Variants in ITGB8 observed in about 807,000 individuals in gnomAD.
The protein encoded by ITGB8 is integrin beta-8.
ITGB8 carries 30 observed loss-of-function variants against 89.5 expected under a neutral mutation model. The ratio of observed to expected loss-of-function variants is 0.34; its 90% confidence interval spans 0.25 to 0.45. The LOEUF (loss-of-function observed/expected upper bound fraction) is 0.45. ITGB8 is among the 20% of genes least tolerant of loss of function. ITGB8 has a pLI of 1.00. For missense variants in ITGB8, 836 were observed against 933.3 expected, an observed-to-expected ratio of 0.90 and a Z score of 1.36; for synonymous variants, 335 against 320.4, an observed-to-expected ratio of 1.05 and a Z score of -0.49.
At chr7:20,336,608 T>C (rs529247428) in intron 1 of ITGB8, among the ~76,000 whole-genome samples, 61 of 152,322 alleles carry the variant, frequency 4.0e-4, no homozygotes, top group Middle Eastern at 3.4e-3. Context: ...AAAGCTTGAA[T>C]TATGCTTCAT....
In ITGB8 at chr7:20,379,033, T is replaced by C. The variant is rs888449910; in HGVS notation, c.389-18T>C. ...TTTAAAATGAAGACTACATGATGTT[T>C]TTCTTCTATTGAACTAGGAGCCGAA... On this transcript the variant is annotated intron_variant, in intron 3 of 13. Transcript: ENST00000222573. The C allele has an allele frequency of 4.5e-6, 7 of 1,554,784 alleles. No individual in the cohort carries two copies. In the African/African-American group the frequency reaches 9.7e-5, roughly 22 times the overall value.
Position 20,367,077 on chromosome 7 carries a change from C to A in ITGB8, c.279C>A (p.Gly93=), listed in dbSNP as rs1785728704. 1.2e-6 allele frequency: 2 copies of A among 1,611,688 alleles called. No homozygotes were observed. The highest frequency in any genetic ancestry group is 1.7e-6 in the Non-Finnish European group (2 of 1,178,002). ...CDIVSNLISK[G]CSVDSIEYPS... is the part of the protein sequence containing the mutation. The stretch of plus-strand genomic sequence containing the variant: ...TTGTTTCCAATTTAATAAGCAAAGG[C>A]TGCTCAGTTGATTCAATAGAATACC... The change falls in exon 3 of 14, where the codon GGC becomes GGA. Residue 93 remains glycine (G), a synonymous_variant. Transcript: ENST00000222573.
intron 7 of ITGB8, among the ~76,000 whole-genome samples, chr7:20,394,472 A>C (rs373921523): frequency 6.6e-6 from 1 of 152,218 alleles, no homozygotes; most frequent in African/African-American, 2.4e-5. Flanking sequence ...TTGCAGGCCT[A>C]CTCTGAAACT....
At chr7:20,353,045 G>A (rs1032686724) in intron 1 of ITGB8, 1 of 152,156 alleles carries the variant, frequency 6.6e-6, no homozygotes, top group Non-Finnish European at 1.5e-5. Context: ...GCTTCACAAT[G>A]GTTCTTCTTG....
chr7:20,369,567 A>AC (rs1785846018), intron 3 of ITGB8, among the ~76,000 whole-genome samples: 1 of 151,974 alleles, frequency 6.6e-6, no homozygotes, highest in South Asian at 2.1e-4. Flanking sequence ...TCTCTCAGAG[A>AC]CCCCCTATTC....
At chr7:20,395,202 G>C (rs1204470785) in intron 8 of ITGB8, among the ~76,000 whole-genome samples, 2 of 152,196 alleles carry the variant, frequency 1.3e-5, no homozygotes, top group Non-Finnish European at 2.9e-5. Flanking sequence ...CTCATTGACA[G>C]TCAACAGAGA....
At chr7:20,381,224 G>T (rs937920140) in intron 5 of ITGB8, 8 of 157,876 alleles carry the variant, frequency 5.1e-5, no homozygotes, top group Non-Finnish European at 1.1e-4. Context: ...GTGCAGTGGC[G>T]CCATCTCGGC....
chr7:20,385,169 A>T (rs1423531811), intron 6 of ITGB8, among the ~76,000 whole-genome samples: 1 of 152,222 alleles, frequency 6.6e-6, no homozygotes, highest in African/African-American at 2.4e-5. Context: ...GGTGGAGGCC[A>T]AGAATAGCAT....
At chr7:20,373,582 A>G (rs1786020453) in intron 3 of ITGB8, among the ~76,000 whole-genome samples, 1 of 152,166 alleles carries the variant, frequency 6.6e-6, no homozygotes, top group African/African-American at 2.4e-5. Flanking sequence ...TTAATTTCAA[A>G]ATTTAGAAAA....
Position 20,380,844 on chromosome 7 carries a change from A to G in ITGB8, c.801+13A>G. On this transcript the variant is annotated intron_variant, in intron 5 of 13. Coordinates refer to ENST00000222573, the MANE Select transcript of ITGB8 (RefSeq NM_002214.3). Reference sequence around the variant, plus strand: ...AGCTGTCTGTGAAGTAAGACGTTTCACATGATCGAGTGTTTGCTAAGATGC... The same window carrying G: ...AGCTGTCTGTGAAGTAAGACGTTTCGCATGATCGAGTGTTTGCTAAGATGC... 1.3e-6 allele frequency: 2 copies of G among 1,599,278 alleles called. No homozygotes were observed. The highest frequency in any genetic ancestry group is 1.7e-6 in the Non-Finnish European group (2 of 1,172,114).
At chr7:20,396,832 G>A (rs1263905093) in intron 8 of ITGB8, among the ~76,000 whole-genome samples, 2 of 152,202 alleles carry the variant, frequency 1.3e-5, no homozygotes, top group African/African-American at 4.8e-5. Context: ...AGCAACATTT[G>A]GTTATTTTGC....
In ITGB8 at chr7:20,363,717, C is replaced by A; in HGVS notation, c.208C>A (p.Gln70Lys). ...ALGPECGWCV[Q>K]EDFISGGSRS... Reference sequence around the variant, plus strand: ...GGGTCCAGAATGTGGATGGTGTGTTCAAGAGGTGTGCCATTTTTTTTTTTC... The same window carrying A: ...GGGTCCAGAATGTGGATGGTGTGTTAAAGAGGTGTGCCATTTTTTTTTTTC... Residue 70 changes from glutamine (Q) to lysine (K), a missense_variant, in exon 2 of 14, where the codon CAA becomes AAA. Coordinates refer to ENST00000222573, the MANE Select transcript of ITGB8 (RefSeq NM_002214.3). The A allele has an allele frequency of 1.3e-6, 2 of 1,563,490 alleles. No homozygotes were observed. The highest frequency in any genetic ancestry group is 2.0e-5 in the Admixed American group (1 of 49,350).
In ITGB8 at chr7:20,362,355, T is replaced by C. The variant is rs546894418; in HGVS notation, c.128-1282T>C. The stretch of plus-strand genomic sequence containing the variant: ...GATTGGGCACATACACACATGTGCA[T>C]GAGTGTGCACATGCACACAGTTTTC... On this transcript the variant is annotated intron_variant, in intron 1 of 13. Transcript: ENST00000222573. Among the ~76,000 whole-genome samples the C allele has an allele frequency of 1.5e-3, 231 of 152,348 alleles. 5 individuals carry two copies. The highest frequency in any genetic ancestry group is 0.015 in the Admixed American group (230 of 15,298).
At chr7:20,384,961 TG>T (rs1485094433) in intron 6 of ITGB8, among the ~76,000 whole-genome samples, 1 of 152,236 alleles carries the variant, frequency 6.6e-6, no homozygotes, top group African/African-American at 2.4e-5. Context: ...TATAGTTTTA[TG>T]ATTTATCCAG....
chr7:20,381,917 ACT>A, intron 6 of ITGB8, 32 bp downstream of exon 6: 1 of 1,559,736 alleles, frequency 6.4e-7, no homozygotes, highest in South Asian at 1.2e-5. Context: ...AGTAGATATG[ACT>A]CTTTTGGTTA....
chr7:20,381,066 C>A (rs183989597), intron 5 of ITGB8: 1 of 373,992 alleles, frequency 2.7e-6, no homozygotes, highest in Non-Finnish European at 4.8e-6. Context: ...AGGTTATGAA[C>A]GCGAAAATTC....
chr7:20,359,977 C>T (rs994362651), intron 1 of ITGB8, among the ~76,000 whole-genome samples: 1 of 152,086 alleles, frequency 6.6e-6, no homozygotes, highest in Non-Finnish European at 1.5e-5. Flanking sequence ...ACCATGTGGC[C>T]ACCTCCTCCA....
rs1387270329 is a variant in ITGB8 at position 20,331,614 on chromosome 7, G to A, written c.-193G>A. 3 of 561,118 alleles carry A rather than the reference G, an allele frequency of 5.3e-6. No individual in the cohort carries two copies. Among genetic ancestry groups the A allele is most frequent in the East Asian group, 6.9e-5 (2 of 28,958 alleles). The allele number at this position is 561,118 out of a possible 1,614,324, so 34.8% of individuals were successfully genotyped here. A position where few individuals can be genotyped will look rare whatever the true frequency, so the allele number is the denominator to read the frequency against. On this transcript the variant is annotated 5_prime_UTR_variant, in exon 1 of 14. Transcript: ENST00000222573. ...GTGCCGAGCCGGGAGGGCCGCAGGGGCCCTGAGATGCCGAGCGGTGCCCGG... is the reference window on the plus strand; with the variant it reads ...GTGCCGAGCCGGGAGGGCCGCAGGGACCCTGAGATGCCGAGCGGTGCCCGG...
chr7:20,355,559 AGAGG>A (rs1785263792), intron 1 of ITGB8, among the ~76,000 whole-genome samples: 1 of 152,214 alleles, frequency 6.6e-6, no homozygotes, highest in Admixed American at 6.5e-5. Flanking sequence ...GGCAAGATAG[AGAGG>A]AATCCAAACT....
Sources: gnomAD v4.1 joint callset for allele counts (sites outside exome capture counted in the v4.1 genomes callset) on GRCh38, gnomAD v4.1.1 for gene constraint, MANE v1.5 for transcripts, NCBI Gene and HGNC (gene_info 2026-07-23, HGNC 2026-07-21) for gene names.